The following NFIA variants were observed in gnomAD, a reference collection of about 807,000 sequenced individuals.
NFIA encodes the protein nuclear factor I A.
In NFIA, 8 loss-of-function variants were observed where a neutral mutation model predicts 62.8. The observed-to-expected ratio is 0.13, with a 90% CI of 0.07 to 0.23. The LOEUF is 0.23. NFIA is among the 10% of genes least tolerant of loss of function. The pLI, the probability that NFIA is intolerant of heterozygous loss-of-function variation, is 1.00. For synonymous variants in NFIA, 235 were observed against 238.1 expected (o/e 0.99, Z 0.12); for missense variants, 410 against 642.1 (o/e 0.64, Z 3.91).
chr1:61,339,689 G>A (rs1396583792), intron 4 of NFIA, among the ~76,000 whole-genome samples: 3 of 152,146 alleles, frequency 2.0e-5, no homozygotes, highest in Non-Finnish European at 2.9e-5. Flanking sequence ...TATTTGGGTA[G>A]TAAAGCTGGC....
At chr1:61,115,588 G>A (rs1203490107) in intron 2 of NFIA, among the ~76,000 whole-genome samples, 1 of 152,202 alleles carries the variant, frequency 6.6e-6, no homozygotes, top group Non-Finnish European at 1.5e-5. Context: ...GGCATATGTA[G>A]CGTGTGTTCT....
At chr1:61,428,350 C>T (rs1041854452) in intron 10 of NFIA, among the ~76,000 whole-genome samples, 3 of 150,360 alleles carry the variant, frequency 2.0e-5, no homozygotes, top group African/African-American at 7.3e-5. Flanking sequence ...TGAATGATGT[C>T]ATGTAGGCCC....
At chr1:61,163,234 A>G (rs1649335677) in intron 2 of NFIA, among the ~76,000 whole-genome samples, 1 of 152,222 alleles carries the variant, frequency 6.6e-6, no homozygotes, top group Admixed American at 6.5e-5. Context: ...GAGACACTTT[A>G]TGGAATGTTT....
intron 3 of NFIA, among the ~76,000 whole-genome samples, chr1:61,327,035 A>AT (rs1351886547): frequency 1.3e-3 from 194 of 148,050 alleles, no homozygotes; most frequent in Middle Eastern, 3.6e-3. Flanking sequence ...AAAGAAAAAA[A>AT]AATATATATA....
chr1:61,084,286 T>A (rs971354187), intron 1 of NFIA, among the ~76,000 whole-genome samples: 3 of 152,218 alleles, frequency 2.0e-5, no homozygotes, highest in Non-Finnish European at 4.4e-5. Flanking sequence ...CCCTTCTTAT[T>A]GCAATATCTA....
At chr1:61,180,549 T>C (rs1650691816) in intron 2 of NFIA, among the ~76,000 whole-genome samples, 1 of 152,176 alleles carries the variant, frequency 6.6e-6, no homozygotes, top group Non-Finnish European at 1.5e-5. Context: ...AGAGTAGCTT[T>C]TAGTTGTGGC....
chr1:61,142,096 T>TAA lies in NFIA; in HGVS notation c.559+53427_559+53428dup, dbSNP rs879607941. 2.7e-5 allele frequency among the ~76,000 whole-genome samples: 4 copies of TAA among 146,696 alleles called. No homozygotes were observed. The East Asian group carries it at 7.9e-4, about 29-fold the overall frequency. Reference sequence around the variant, plus strand: ...TGAGTTTTTTTTCCTTTTCTTTCCTTAAAAAAAAAAAATTGTGCTTTTGGC... The same window carrying TAA: ...TGAGTTTTTTTTCCTTTTCTTTCCTTAAAAAAAAAAAAAATTGTGCTTTTGGC... On this transcript the variant is annotated intron_variant, in intron 2 of 10. Coordinates refer to ENST00000403491, the MANE Select transcript of NFIA (RefSeq NM_001134673.4).
chr1:61,294,825 G>A (rs1215770148), intron 3 of NFIA, among the ~76,000 whole-genome samples: 1 of 152,186 alleles, frequency 6.6e-6, no homozygotes, highest in Non-Finnish European at 1.5e-5. Context: ...TCTGTCGCTG[G>A]TAAGATGGTG....
chr1:61,077,465 G>A (rs183824563), upstream of NFIA: 138 of 541,984 alleles, frequency 2.5e-4, no homozygotes, highest in African/African-American at 2.3e-3. Flanking sequence ...AATTCTCCAA[G>A]AAGCCTGCAA....
intron 2 of NFIA, among the ~76,000 whole-genome samples, chr1:61,222,514 A>G (rs551151122): frequency 6.6e-6 from 1 of 152,242 alleles, no homozygotes; most frequent in East Asian, 1.9e-4. Flanking sequence ...GAGTCCTTAT[A>G]GTCTTTCTTT....
At chr1:61,173,764 T>A in intron 2 of NFIA, among the ~76,000 whole-genome samples, 1 of 152,138 alleles carries the variant, frequency 6.6e-6, no homozygotes, top group Middle Eastern at 3.2e-3. Flanking sequence ...TGAGGGTACA[T>A]GCCACAGAGG....
chr1:61,201,219 A>C (rs191465810), intron 2 of NFIA, among the ~76,000 whole-genome samples: 1 of 152,258 alleles, frequency 6.6e-6, no homozygotes, highest in East Asian at 1.9e-4. Context: ...TGGAAAATAT[A>C]ATGATTGTTG....
chr1:61,146,302 T>A (rs1449800785), intron 2 of NFIA, among the ~76,000 whole-genome samples: 1 of 152,168 alleles, frequency 6.6e-6, no homozygotes, highest in Non-Finnish European at 1.5e-5. Context: ...TTTTGTTGTA[T>A]TCATGCATTC....
chr1:61,140,319 C>T (rs1385355668), intron 2 of NFIA, among the ~76,000 whole-genome samples: 1 of 136,416 alleles, frequency 7.3e-6, no homozygotes, highest in East Asian at 2.2e-4. Context: ...TTTACTGCCT[C>T]CAGGATGTTG....
chr1:61,212,077 G>A (rs1471768715), intron 2 of NFIA, among the ~76,000 whole-genome samples: 1 of 152,212 alleles, frequency 6.6e-6, no homozygotes, highest in African/African-American at 2.4e-5. Flanking sequence ...TGTTGGATTT[G>A]TAGTTGCAGC....
intron 2 of NFIA, among the ~76,000 whole-genome samples, chr1:61,141,272 C>T (rs182172938): frequency 1.3e-3 from 193 of 152,130 alleles, no homozygotes; most frequent in African/African-American, 4.5e-3. Flanking sequence ...AACAGAAACC[C>T]AAGTTAACAT....
intron 2 of NFIA, among the ~76,000 whole-genome samples, chr1:61,200,385 A>T (rs944155695): frequency 1.3e-5 from 2 of 152,086 alleles, no homozygotes; most frequent in African/African-American, 2.4e-5. Flanking sequence ...AGCTAAAATT[A>T]ATCAACACAT....
intron 2 of NFIA, among the ~76,000 whole-genome samples, chr1:61,105,405 G>A (rs1026360296): frequency 6.6e-6 from 1 of 151,810 alleles, no homozygotes; most frequent in East Asian, 1.9e-4. Context: ...ATTCCTTAGG[G>A]TATTACTGAT....
intron 2 of NFIA, among the ~76,000 whole-genome samples, chr1:61,211,069 A>G (rs940396117): frequency 3.3e-5 from 5 of 152,172 alleles, no homozygotes; most frequent in Admixed American, 6.5e-5. Context: ...AAGTTTGTAC[A>G]CTTTCGTGGC....
Sources: allele counts gnomAD v4.1 joint callset (sites outside exome capture counted in the v4.1 genomes callset), GRCh38; gene constraint gnomAD v4.1.1; transcripts MANE v1.5; gene names NCBI Gene and HGNC (gene_info 2026-07-23, HGNC 2026-07-21).